Variants in ATP8A1 observed in about 807,000 individuals in gnomAD.
ATP8A1 encodes phospholipid-transporting ATPase IA.
Under a neutral mutation model 177.7 loss-of-function variants are expected in ATP8A1, and 90 were observed. The observed-to-expected ratio is 0.51, with a 90% CI of 0.43 to 0.60. ATP8A1 has a LOEUF of 0.60. Among genes scored for constraint, ATP8A1 ranks in the 20% least tolerant of loss-of-function variants. ATP8A1 has a pLI of 0.00. For synonymous variants in ATP8A1, 493 were observed against 485.9 expected (o/e 1.01, Z -0.19); for missense variants, 1,072 against 1,392.8 (o/e 0.77, Z 3.67).
intron 9 of ATP8A1, among the ~76,000 whole-genome samples, chr4:42,584,913 A>T (rs1326385767): frequency 6.6e-6 from 1 of 152,128 alleles, no homozygotes; most frequent in Admixed American, 6.5e-5. Context: ...TCAGAGTAAC[A>T]TCCTCACAAT....
At chr4:42,612,902 T>C (rs1027833095) in intron 5 of ATP8A1, among the ~76,000 whole-genome samples, 1 of 152,210 alleles carries the variant, frequency 6.6e-6, no homozygotes, top group Non-Finnish European at 1.5e-5. Context: ...CCTCTGTGAA[T>C]ATAAAAGGGT....
intron 31 of ATP8A1, among the ~76,000 whole-genome samples, chr4:42,444,889 C>T (rs769257365): frequency 2.6e-5 from 4 of 152,204 alleles, no homozygotes; most frequent in Non-Finnish European, 5.9e-5. Context: ...ACAGCCTGAC[C>T]CTCCATCCAC....
chr4:42,548,286 C>T (rs1216975320), intron 19 of ATP8A1, among the ~76,000 whole-genome samples: 1 of 152,122 alleles, frequency 6.6e-6, no homozygotes, highest in East Asian at 1.9e-4. Context: ...TCATCTCCAC[C>T]CCACATAAAT....
chr4:42,618,314 T>C (rs1737114306), intron 4 of ATP8A1, among the ~76,000 whole-genome samples: 1 of 152,194 alleles, frequency 6.6e-6, no homozygotes, highest in Non-Finnish European at 1.5e-5. Flanking sequence ...TCTAACTCCA[T>C]ATTCTCTTCT....
Position 42,656,972 on chromosome 4 carries a change from T to C in ATP8A1, c.-99A>G. 8.0e-7 allele frequency: 1 copy of C among 1,247,208 alleles called. No homozygotes were observed. The highest frequency in any genetic ancestry group is 1.0e-6 in the Non-Finnish European group (1 of 969,110). 77.3% of individuals were successfully genotyped at this position (1,247,208 alleles called of 1,614,324 possible). A position where few individuals can be genotyped will look rare whatever the true frequency, so the allele number is the denominator to read the frequency against. On this transcript the variant is annotated 5_prime_UTR_variant, in exon 1 of 37. Transcript: ENST00000381668. ...GGCTGCGCCGCGCAGAGCGCTCAGC[T>C]GCAGCCTGGGCCGCGCCGCCGCCCA...
rs1363160932 is a variant in ATP8A1, at chr4:42,472,068, T to A, written c.2325-6992A>T. On this transcript the variant is annotated intron_variant, in intron 25 of 36. Transcript: ENST00000381668. ...GCTAGTACGTGAATTGGAGAAAAAGTTCAGTGGGAAGCATGCTGTCTTTAT... is the reference window on the plus strand; with the variant it reads ...GCTAGTACGTGAATTGGAGAAAAAGATCAGTGGGAAGCATGCTGTCTTTAT... 8.3e-6 allele frequency: 6 copies of A among 720,342 alleles called. No homozygotes were observed. In the East Asian group the frequency reaches 1.5e-4, roughly 19 times the overall value. The allele number at this position is 720,342 out of a possible 1,614,324, so 44.6% of individuals were successfully genotyped here.
chr4:42,656,635 G>C (rs1741656127), intron 1 of ATP8A1, among the ~76,000 whole-genome samples, 190 bp downstream of exon 1: 1 of 152,210 alleles, frequency 6.6e-6, no homozygotes, highest in South Asian at 2.1e-4. Context: ...GAGGGTACTG[G>C]AGCCTGGAAA....
chr4:42,461,871 AG>A (rs1287395957), intron 27 of ATP8A1, among the ~76,000 whole-genome samples: 5 of 152,202 alleles, frequency 3.3e-5, no homozygotes, highest in Admixed American at 1.3e-4. Flanking sequence ...ATCCAGGCTG[AG>A]GTGGTTTCAG....
intron 24 of ATP8A1, among the ~76,000 whole-genome samples, chr4:42,495,901 T>C (rs540737035): frequency 6.6e-6 from 1 of 152,254 alleles, no homozygotes; most frequent in South Asian, 2.1e-4. Context: ...CATGCTTTGC[T>C]AATACACAAA....
At position 42,579,834 on chromosome 4, in the gene ATP8A1, C is replaced by G. The variant is rs745566684; in HGVS notation, c.979G>C (p.Asp327His). 6.2e-7 allele frequency: 1 copy of G among 1,613,482 alleles called. No individual in the cohort carries two copies. The highest frequency in any genetic ancestry group is 8.5e-7 in the Non-Finnish European group (1 of 1,179,792). Residue 327 changes from aspartate to histidine, a missense_variant, in exon 11 of 37, where the codon GAC becomes CAC. This residue lies in a region of ATP8A1 where 344 missense variants were observed against 393.5 expected (regional missense o/e 0.87). Transcript: ENST00000381668. ...TTACAGTTTAGATTGAGATACCAGTCTTTTCCAGAATGCCTTCGATTCCAA... is the reference window on the plus strand; with the variant it reads ...TTACAGTTTAGATTGAGATACCAGTGTTTTCCAGAATGCCTTCGATTCCAA... ...AIWNRRHSGK[D>H]WYLNLNYGGA...
At chr4:42,522,007 T>G (rs892831987) in intron 22 of ATP8A1, among the ~76,000 whole-genome samples, 153 bp downstream of exon 22, 1 of 152,226 alleles carries the variant, frequency 6.6e-6, no homozygotes, top group African/African-American at 2.4e-5. Context: ...TTAATGCATA[T>G]TAATACTTGT....
intron 1 of ATP8A1, among the ~76,000 whole-genome samples, chr4:42,631,388 A>ACT (rs1738713153): frequency 6.6e-6 from 1 of 152,342 alleles, no homozygotes; most frequent in South Asian, 2.1e-4. Context: ...TGCCACAGGA[A>ACT]CTAGAGTAAC....
At chr4:42,546,411 TCA>T (rs2153208201) in intron 19 of ATP8A1, among the ~76,000 whole-genome samples, 1 of 116,032 alleles carries the variant, frequency 8.6e-6, no homozygotes, top group Non-Finnish European at 1.6e-5. Context: ...AAGAGGAACA[TCA>T]CACACCGGGG....
chr4:42,414,607 TAAG>T lies in ATP8A1; in HGVS notation c.3397+17_3397+19del. 1 of 1,596,790 alleles carries T rather than the reference TAAG, an allele frequency of 6.3e-7. No homozygotes were observed. ...CAATGGCAGAGAATTTATTTAAAAA[TAAG>T]AAACTCAAATACTCACGGAGCAGAT... On this transcript the variant is annotated intron_variant, in intron 36 of 36. Coordinates refer to ENST00000381668, the MANE Select transcript of ATP8A1 (RefSeq NM_006095.2).
At chr4:42,437,480 G>C (rs1035314329) in intron 33 of ATP8A1, among the ~76,000 whole-genome samples, 1 of 152,182 alleles carries the variant, frequency 6.6e-6, no homozygotes, top group Non-Finnish European at 1.5e-5. Flanking sequence ...TGTGAGAGGA[G>C]AGGAAGACAG....
At chr4:42,437,669 T>C (rs893685187) in intron 33 of ATP8A1, among the ~76,000 whole-genome samples, 2 of 152,320 alleles carry the variant, frequency 1.3e-5, no homozygotes, top group African/African-American at 4.8e-5. Context: ...GGGACACTTG[T>C]TAATCATTAT....
chr4:42,607,013 G>A (rs62302296), intron 5 of ATP8A1, among the ~76,000 whole-genome samples: 7 of 152,074 alleles, frequency 4.6e-5, no homozygotes, highest in South Asian at 2.1e-4. Flanking sequence ...GTAGTGGTCT[G>A]GATTAATGAA....
chr4:42,503,486 G>C lies in ATP8A1; in HGVS notation c.2115C>G (p.Asn705Lys), dbSNP rs1560397700. ...IGHSCKLLKK[N>K]MGMIVINEGS... ...CTTCATTTATAACAATCATTCCCAT[G>C]TTCTTCTTCAACAGTTTGCAGGAGT... is the stretch of plus-strand genomic sequence containing the variant. The change falls in exon 24 of 37, where the codon AAC becomes AAG. Residue 705 changes from asparagine (N) to lysine (K), a missense_variant. Transcript: ENST00000381668. The C allele has an allele frequency of 6.2e-7, 1 of 1,607,958 alleles. No individual in the cohort carries two copies. Among genetic ancestry groups the C allele is most frequent in the Non-Finnish European group, 8.5e-7 (1 of 1,176,230 alleles).
At chr4:42,495,223 GAACATTCTAGA>G (rs1723141859) in intron 24 of ATP8A1, among the ~76,000 whole-genome samples, 1 of 152,120 alleles carries the variant, frequency 6.6e-6, no homozygotes, top group Admixed American at 6.5e-5. Context: ...TGAATTAACG[GAACATTCTAGA>G]AACATTCTTA....
Sources: allele counts gnomAD v4.1 joint callset (sites outside exome capture counted in the v4.1 genomes callset), GRCh38; gene constraint gnomAD v4.1.1; regional missense constraint gnomAD v4.1.1; transcripts MANE v1.5; gene names NCBI Gene and HGNC (gene_info 2026-07-23, HGNC 2026-07-21).